PIP5K1C: variants seen among roughly 807,000 people sequenced by gnomAD.
PIP5K1C encodes the protein phosphatidylinositol 4-phosphate 5-kinase type-1 gamma.
In PIP5K1C, 45 loss-of-function variants were observed where a neutral mutation model predicts 80.1. That is an observed-to-expected ratio of 0.56 (90% CI 0.44 to 0.72). PIP5K1C has a LOEUF of 0.72. Among genes scored for constraint, PIP5K1C ranks in the 30% least tolerant of loss-of-function variants. PIP5K1C has a pLI of 0.00. For missense variants in PIP5K1C, 753 were observed against 954.6 expected (o/e 0.79, Z 2.78); for synonymous variants, 498 against 420.1 (o/e 1.19, Z -2.27).
intron 3 of PIP5K1C, among the ~76,000 whole-genome samples, chr19:3,664,361 G>A (rs754355803): frequency 4.6e-5 from 7 of 152,062 alleles, no homozygotes; most frequent in Admixed American, 1.3e-4. Flanking sequence ...TACAGTATAT[G>A]AATCACATCT....
Position 3,678,177 on chromosome 19 carries a change from TGGAG to T in PIP5K1C, c.95-10828_95-10825del, listed in dbSNP as rs377730825. 2.6e-4 allele frequency among the ~76,000 whole-genome samples: 18 copies of T among 70,422 alleles called. No individual in the cohort carries two copies. In the South Asian group the frequency reaches 3.2e-3, roughly 12 times the overall value. The allele number at this position is 70,422 out of a possible 152,430, so 46.2% of individuals were successfully genotyped here. A position where few individuals can be genotyped will look rare whatever the true frequency, so the allele number is the denominator to read the frequency against. ...ATGGAGGGATGGAGAGATGGAGGGATGGAGGATGGAGAATGGAGGATGAAGGGAT... is the reference window on the plus strand; with the variant it reads ...ATGGAGGGATGGAGAGATGGAGGGATGATGGAGAATGGAGGATGAAGGGAT... On this transcript the variant is annotated intron_variant, in intron 1 of 17. Coordinates refer to ENST00000335312, the MANE Select transcript of PIP5K1C (RefSeq NM_012398.3).
intron 2 of PIP5K1C, among the ~76,000 whole-genome samples, chr19:3,665,476 TG>T (rs2145500618): frequency 6.7e-6 from 1 of 149,794 alleles, no homozygotes; most frequent in East Asian, 2.0e-4. Flanking sequence ...AGGACTGAGG[TG>T]GGGGTGGGAA....
At chr19:3,669,566 G>C (rs150706632) in intron 1 of PIP5K1C, 6 of 152,414 alleles carry the variant, frequency 3.9e-5, no homozygotes, top group Non-Finnish European at 8.8e-5. Flanking sequence ...AGCCAGCAAA[G>C]AGTGCAGAGA....
intron 1 of PIP5K1C, among the ~76,000 whole-genome samples, chr19:3,684,351 G>A (rs1440830960): frequency 6.6e-6 from 1 of 152,200 alleles, no homozygotes; most frequent in Non-Finnish European, 1.5e-5. Context: ...GCCTGCCAGG[G>A]TCCCTTCCAT....
rs2034338489 is a variant in PIP5K1C, at chr19:3,648,747, G to GAA, written c.1128-40_1128-39insTT. On this transcript the variant is annotated intron_variant, in intron 8 of 17. Coordinates refer to ENST00000335312, the MANE Select transcript of PIP5K1C (RefSeq NM_012398.3). The surrounding 1 kb of genome is among the most constrained non-coding windows in gnomAD (Gnocchi z 4.3). ...CCGAGGGTACCATCAGCATCCCGCA[G>GAA]AGCTGGGACTCGGGGCAGGCGGGGC... The GAA allele has an allele frequency of 6.4e-7, 1 of 1,570,632 alleles. No individual in the cohort carries two copies.
Position 3,637,277 on chromosome 19 carries a change from G to A in PIP5K1C, c.1920+1607C>T. ...GGTCCGAAGCAGACCCTGGGCCTCA[G>A]CTGTGCACCTGGTGATGGTGCTGCC... On this transcript the variant is annotated intron_variant, in intron 16 of 17. Coordinates refer to ENST00000335312, the MANE Select transcript of PIP5K1C (RefSeq NM_012398.3). This position sits in a 1 kb window ranked among gnomAD's most constrained non-coding sequence, Gnocchi z 7.0. 6.7e-7 allele frequency: 1 copy of A among 1,484,596 alleles called. No individual in the cohort carries two copies. Among genetic ancestry groups the A allele is most frequent in the Non-Finnish European group, 8.9e-7 (1 of 1,119,450 alleles). 92.0% of individuals were successfully genotyped at this position (1,484,596 alleles called of 1,614,324 possible). A position where few individuals can be genotyped will look rare whatever the true frequency, so the allele number is the denominator to read the frequency against.
At chr19:3,636,945 T>G in intron 16 of PIP5K1C, 2 of 1,011,486 alleles carry the variant, frequency 2.0e-6, no homozygotes, top group Non-Finnish European at 2.4e-6. Context: ...CAGGGGGACC[T>G]CCTTGAGAGC....
At chr19:3,659,706 G>A (rs1483230473) in intron 5 of PIP5K1C, among the ~76,000 whole-genome samples, 2 of 152,156 alleles carry the variant, frequency 1.3e-5, no homozygotes, top group African/African-American at 2.4e-5. Context: ...TGAACAGGCT[G>A]GAGTTCTCGG....
intron 3 of PIP5K1C, among the ~76,000 whole-genome samples, chr19:3,664,277 A>G (rs545402200): frequency 6.6e-6 from 1 of 152,314 alleles, no homozygotes; most frequent in African/African-American, 2.4e-5. Context: ...AATGTTCTGG[A>G]ATTAGAGGTG....
chr19:3,694,831 C>A (rs1464353529), intron 1 of PIP5K1C, among the ~76,000 whole-genome samples: 1 of 152,236 alleles, frequency 6.6e-6, no homozygotes, highest in Non-Finnish European at 1.5e-5. Flanking sequence ...GGCCACTTGA[C>A]CTCCCAGGTG....
At chr19:3,689,605 C>G (rs375125573) in intron 1 of PIP5K1C, among the ~76,000 whole-genome samples, 4 of 152,166 alleles carry the variant, frequency 2.6e-5, no homozygotes, top group South Asian at 4.1e-4. Flanking sequence ...GCTGAGATCG[C>G]GCCACTGCAC....
intron 1 of PIP5K1C, among the ~76,000 whole-genome samples, chr19:3,677,049 C>G (rs570757700): frequency 1.1e-4 from 16 of 152,066 alleles, no homozygotes; most frequent in Non-Finnish European, 1.6e-4. Flanking sequence ...CTGCAGTGAG[C>G]TATGACTGCA....
At chr19:3,683,152 T>C (rs2035641791) in intron 1 of PIP5K1C, among the ~76,000 whole-genome samples, 1 of 152,150 alleles carries the variant, frequency 6.6e-6, no homozygotes, top group South Asian at 2.1e-4. Context: ...TACTTCTCTC[T>C]ACTCCTTGGA....
rs1269280028 is a variant in PIP5K1C at position 3,696,887 on chromosome 19, GGGGTCCTCCTGGAATGT to G, written c.94+3393_94+3409del. ...GGGACTCGGGCCGCTGGTTTTTAAT[GGGGTCCTCCTGGAATGT>G]GGGACAGGGAGCAGAGGAAGAGCAG... On this transcript the variant is annotated intron_variant, in intron 1 of 17. Transcript: ENST00000335312. The surrounding 1 kb of genome is among the most constrained non-coding windows in gnomAD (Gnocchi z 4.1). 6.6e-6 allele frequency among the ~76,000 whole-genome samples: 1 copy of G among 152,178 alleles called. No individual in the cohort carries two copies. The highest frequency in any genetic ancestry group is 2.4e-5 in the African/African-American group (1 of 41,450).
At position 3,652,028 on chromosome 19, in the gene PIP5K1C, G is replaced by A. The variant is rs2034470471; in HGVS notation, c.925C>T (p.Leu309=). 1 of 1,612,980 alleles carries A rather than the reference G, an allele frequency of 6.2e-7. No individual in the cohort carries two copies. The highest frequency in any genetic ancestry group is 1.1e-5 in the South Asian group (1 of 91,086). The change falls in exon 8 of 18, where the codon CTG becomes TTG. Residue 309 remains leucine, a synonymous_variant. Coordinates refer to ENST00000335312, the MANE Select transcript of PIP5K1C (RefSeq NM_012398.3). ...VKTLQRDCLV[L]ESFKIMDYSL... ...TAGTCCATGATCTTGAAACTTTCCA[G>A]GACCTGGCGGGATCGGGCAGGAACA...
chr19:3,667,227 A>C (rs1011843182), intron 2 of PIP5K1C, 95 bp downstream of exon 2: 1 of 1,067,286 alleles, frequency 9.4e-7, no homozygotes, highest in Admixed American at 2.0e-5. Flanking sequence ...AGAGAGGTGT[A>C]GTGAGCTGCC....
rs549197416 is a variant in PIP5K1C, at chr19:3,696,542, C to T, written c.94+3755G>A. On this transcript the variant is annotated intron_variant, in intron 1 of 17. Transcript: ENST00000335312. The surrounding 1 kb of genome is among the most constrained non-coding windows in gnomAD (Gnocchi z 4.1). The stretch of plus-strand genomic sequence containing the variant: ...AGGGAGGCCTCACGGAGAGGAGATG[C>T]TCCCACAAAACCTGGAAAGCGCTAA... Among the ~76,000 whole-genome samples the T allele has an allele frequency of 6.6e-6, 1 of 150,386 alleles. No homozygotes were observed. Among genetic ancestry groups the T allele is most frequent in the South Asian group, 2.1e-4 (1 of 4,728 alleles).
At chr19:3,633,416 G>A in intron 17 of PIP5K1C, 21 bp downstream of exon 17, 1 of 1,448,124 alleles carries the variant, frequency 6.9e-7, no homozygotes, top group Non-Finnish European at 9.1e-7. Context: ...GGACCGGCGG[G>A]TGCACCTGGG....
In PIP5K1C at chr19:3,644,235, G is replaced by C; in HGVS notation, c.1362C>G (p.Pro454=). 6.2e-7 allele frequency: 1 copy of C among 1,612,362 alleles called. No homozygotes were observed. Among genetic ancestry groups the C allele is most frequent in the Non-Finnish European group, 8.5e-7 (1 of 1,179,852 alleles). ...AGGCTCCGCCGCGCCCCTTCTTGGA[G>C]GGCGAGGACTTCAGGGCTGCAGGGA... is the stretch of plus-strand genomic sequence containing the variant. The part of the protein sequence containing the change: ...FRKNSSLKSS[P]SKKGRGGALL... The change falls in exon 12 of 18, where the codon CCC becomes CCG. Residue 454 remains proline, a synonymous_variant. Transcript: ENST00000335312.
Sources: allele counts gnomAD v4.1 joint callset (sites outside exome capture counted in the v4.1 genomes callset), GRCh38; gene constraint gnomAD v4.1.1; non-coding constraint Gnocchi (gnomAD v3.1); transcripts MANE v1.5; gene names NCBI Gene and HGNC (gene_info 2026-07-23, HGNC 2026-07-21).